PPP1R16B: variants seen among roughly 807,000 people sequenced by gnomAD.
The protein encoded by PPP1R16B is protein phosphatase 1 regulatory inhibitor subunit 16B.
In PPP1R16B, 14 loss-of-function variants were observed where a neutral mutation model predicts 61.7. That is an observed-to-expected ratio of 0.23 (90% CI 0.15 to 0.35). The LOEUF is 0.35. Among genes scored for constraint, PPP1R16B ranks in the 10% least tolerant of loss-of-function variants. PPP1R16B has a pLI of 1.00. For missense variants in PPP1R16B, 547 were observed against 752.5 expected (o/e 0.73, Z 3.19); for synonymous variants, 266 against 305.3 (o/e 0.87, Z 1.34).
rs530760164 is a variant in PPP1R16B at position 38,855,551 on chromosome 20, G to A, written c.250+19376G>A. Reference sequence around the variant, plus strand: ...GACGCCGAAAATAACTTGTTTTCTGGCAAGCTTGGGATGAGATTCCTTATG... The same window carrying A: ...GACGCCGAAAATAACTTGTTTTCTGACAAGCTTGGGATGAGATTCCTTATG... On this transcript the variant is annotated intron_variant, in intron 2 of 10. Coordinates refer to ENST00000299824, the MANE Select transcript of PPP1R16B (RefSeq NM_015568.4). 5.3e-5 allele frequency among the ~76,000 whole-genome samples: 8 copies of A among 152,108 alleles called. No homozygotes were observed. In the South Asian group the frequency reaches 1.7e-3, roughly 32 times the overall value.
Position 38,873,790 on chromosome 20 carries a change from G to A in PPP1R16B, c.251-15805G>A, listed in dbSNP as rs537349602. Among the ~76,000 whole-genome samples, 194 of 149,452 alleles carry A rather than the reference G, an allele frequency of 1.3e-3. 1 individual carries two copies. Among genetic ancestry groups the A allele is most frequent in the African/African-American group, 4.7e-3 (190 of 40,592 alleles). The stretch of plus-strand genomic sequence containing the variant: ...GTCTCACTCTGTTGCCCAGGCTGGC[G>A]TGATCTCAGCTCACTGCAACCTCTG... On this transcript the variant is annotated intron_variant, in intron 2 of 10. Coordinates refer to ENST00000299824, the MANE Select transcript of PPP1R16B (RefSeq NM_015568.4).
chr20:38,831,121 G>A lies in PPP1R16B; in HGVS notation c.-101-4704G>A, dbSNP rs766056628. Among the ~76,000 whole-genome samples, 18 of 152,258 alleles carry A rather than the reference G, an allele frequency of 1.2e-4. 1 individual carries two copies. The highest frequency in any genetic ancestry group is 8.5e-4 in the Admixed American group (13 of 15,284). ...ACAGCCATTGACCACGAGCACCTTT[G>A]TCGAATTGCTTGTTGGACAGCTCTA... On this transcript the variant is annotated intron_variant, in intron 1 of 10. Transcript: ENST00000299824.
chr20:38,910,655 T>G (rs1452288264), intron 10 of PPP1R16B, among the ~76,000 whole-genome samples: 1 of 151,394 alleles, frequency 6.6e-6, no homozygotes, highest in Admixed American at 6.6e-5. Flanking sequence ...CACCTCAGCC[T>G]CTTGGGTAGC....
intron 2 of PPP1R16B, among the ~76,000 whole-genome samples, chr20:38,849,475 A>G (rs2084953749): frequency 6.6e-6 from 1 of 151,980 alleles, no homozygotes; most frequent in Admixed American, 6.6e-5. Flanking sequence ...CCAAAGTCTG[A>G]TCTGGCTCAC....
In PPP1R16B at chr20:38,907,199, A is replaced by G; in HGVS notation, c.898+145A>G. 1.0e-5 allele frequency: 7 copies of G among 671,776 alleles called. No homozygotes were observed. The allele number at this position is 671,776 out of a possible 1,614,324, so 41.6% of individuals were successfully genotyped here. A position where few individuals can be genotyped will look rare whatever the true frequency, so the allele number is the denominator to read the frequency against. On this transcript the variant is annotated intron_variant, in intron 8 of 10. Coordinates refer to ENST00000299824, the MANE Select transcript of PPP1R16B (RefSeq NM_015568.4). The surrounding 1 kb of genome is among the most constrained non-coding windows in gnomAD (Gnocchi z 4.5). ...AGATGGATTAATTAATGGATGGTAG[A>G]TGAATGGACGGATGGACAGATTAAT...
chr20:38,809,059 T>C (rs2084681711), intron 1 of PPP1R16B, among the ~76,000 whole-genome samples: 1 of 120,444 alleles, frequency 8.3e-6, no homozygotes, highest in African/African-American at 3.2e-5. Flanking sequence ...AAAAAAGTGC[T>C]CAGTACAGCA....
chr20:38,865,774 C>T (rs1000120678), intron 2 of PPP1R16B, among the ~76,000 whole-genome samples: 4 of 152,138 alleles, frequency 2.6e-5, no homozygotes, highest in African/African-American at 7.2e-5. Flanking sequence ...GTAATCCCAG[C>T]GGCCCCTGCA....
At chr20:38,906,888 C>A in intron 7 of PPP1R16B, 91 bp from the exon 8 acceptor site, 1 of 1,052,854 alleles carries the variant, frequency 9.5e-7, no homozygotes. Context: ...TTCTTTGGGT[C>A]ACATCCTAAG....
At chr20:38,840,324 C>G (rs913440356) in intron 2 of PPP1R16B, among the ~76,000 whole-genome samples, 2 of 152,230 alleles carry the variant, frequency 1.3e-5, no homozygotes, top group Non-Finnish European at 2.9e-5. Flanking sequence ...CCTCCCCCAC[C>G]TGCCTGGGGA....
Position 38,896,128 on chromosome 20 carries a change from C to T in PPP1R16B, c.467+418C>T, listed in dbSNP as rs1003494463. Among the ~76,000 whole-genome samples, 6 of 92,754 alleles carry T rather than the reference C, an allele frequency of 6.5e-5. 1 individual carries two copies. Among genetic ancestry groups the T allele is most frequent in the African/African-American group, 2.3e-4 (5 of 21,564 alleles). The allele number at this position is 92,754 out of a possible 152,430, so 60.9% of individuals were successfully genotyped here. On this transcript the variant is annotated intron_variant, in intron 4 of 10. Coordinates refer to ENST00000299824, the MANE Select transcript of PPP1R16B (RefSeq NM_015568.4). ...CTCCCCTCCCTTCCTTCTTTCTTCC[C>T]TTCCTCCCTCCTTTCCTTCTTTCTT...
At chr20:38,866,541 C>G (rs1304574392) in intron 2 of PPP1R16B, among the ~76,000 whole-genome samples, 3 of 152,180 alleles carry the variant, frequency 2.0e-5, no homozygotes, top group Non-Finnish European at 4.4e-5. Context: ...CCAAAGAAGG[C>G]CTGCTTGCTT....
chr20:38,831,631 G>C (rs564530652), intron 1 of PPP1R16B, among the ~76,000 whole-genome samples: 1 of 152,188 alleles, frequency 6.6e-6, no homozygotes, highest in South Asian at 2.1e-4. Flanking sequence ...CCTATCTAAA[G>C]GGGACAGCCC....
intron 2 of PPP1R16B, among the ~76,000 whole-genome samples, chr20:38,850,613 A>T (rs2084961914): frequency 6.6e-6 from 1 of 152,190 alleles, no homozygotes; most frequent in Non-Finnish European, 1.5e-5. Flanking sequence ...AACTGTGGCT[A>T]AGCTAGAGGC....
At chr20:38,896,594 T>G (rs930098362) in intron 4 of PPP1R16B, among the ~76,000 whole-genome samples, 5 of 152,168 alleles carry the variant, frequency 3.3e-5, no homozygotes, top group Non-Finnish European at 7.3e-5. Flanking sequence ...TCCCCCCAAT[T>G]TTTTATAGTG....
Position 38,907,087 on chromosome 20 carries a change from T to G in PPP1R16B, c.898+33T>G, listed in dbSNP as rs372433026. The G allele has an allele frequency of 1.0e-5, 16 of 1,534,714 alleles. No homozygotes were observed. The African/African-American group carries it at 1.9e-4, about 18-fold the overall frequency. The stretch of plus-strand genomic sequence containing the variant: ...CAGCACAATAGCTGGTGTGCACAAA[T>G]AGGCAGTTATCAATGTTTTGATGGG... On this transcript the variant is annotated intron_variant, in intron 8 of 10. Transcript: ENST00000299824. The surrounding 1 kb of genome is among the most constrained non-coding windows in gnomAD (Gnocchi z 4.5).
chr20:38,857,583 G>C (rs1335489052), intron 2 of PPP1R16B, among the ~76,000 whole-genome samples: 2 of 152,182 alleles, frequency 1.3e-5, no homozygotes, highest in Non-Finnish European at 2.9e-5. Flanking sequence ...ATTTTATATA[G>C]ATAGATCGGT....
chr20:38,907,965 C>T lies in PPP1R16B; in HGVS notation c.1028+30C>T. 6.2e-7 allele frequency: 1 copy of T among 1,614,004 alleles called. No individual in the cohort carries two copies. The highest frequency in any genetic ancestry group is 8.5e-7 in the Non-Finnish European group (1 of 1,179,950). ...GTCCGGGGCAGGGCAGCCAGGAGTC[C>T]CTGTGTGTGCTCCTGCCTGTGGTGC... is the stretch of plus-strand genomic sequence containing the variant. On this transcript the variant is annotated intron_variant, in intron 9 of 10. Coordinates refer to ENST00000299824, the MANE Select transcript of PPP1R16B (RefSeq NM_015568.4). The surrounding 1 kb of genome is among the most constrained non-coding windows in gnomAD (Gnocchi z 4.5).
chr20:38,850,246 G>A (rs1056482903), intron 2 of PPP1R16B, among the ~76,000 whole-genome samples: 2 of 152,090 alleles, frequency 1.3e-5, no homozygotes, highest in African/African-American at 4.8e-5. Flanking sequence ...GCTAGATAAG[G>A]GAAGCAATGC....
intron 2 of PPP1R16B, among the ~76,000 whole-genome samples, chr20:38,857,443 A>T (rs1211209663): frequency 6.6e-6 from 1 of 152,224 alleles, no homozygotes; most frequent in Non-Finnish European, 1.5e-5. Context: ...GTCACTGGTG[A>T]CATGGTCCCT....
Sources: gnomAD v4.1 joint callset for allele counts (sites outside exome capture counted in the v4.1 genomes callset) on GRCh38, gnomAD v4.1.1 for gene constraint, Gnocchi (gnomAD v3.1) non-coding constraint, MANE v1.5 for transcripts, NCBI Gene and HGNC (gene_info 2026-07-23, HGNC 2026-07-21) for gene names.